The following TEAD1 variants were observed in gnomAD, a reference collection of about 807,000 sequenced individuals.
TEAD1 encodes the protein transcriptional enhancer factor TEF-1.
Under a neutral mutation model 54.9 loss-of-function variants are expected in TEAD1, and 9 were observed. That is an observed-to-expected ratio of 0.16 (90% CI 0.10 to 0.29). The LOEUF is 0.29. Among genes scored for constraint, TEAD1 ranks in the 10% least tolerant of loss-of-function variants. The pLI, the probability that TEAD1 is intolerant of heterozygous loss-of-function variation, is 1.00. For missense variants in TEAD1, 387 were observed against 535.9 expected (o/e 0.72, Z 2.74); for synonymous variants, 200 against 187.8 (o/e 1.07, Z -0.53).
At chr11:12,707,451 A>T (rs1943843678) in intron 2 of TEAD1, among the ~76,000 whole-genome samples, 1 of 152,232 alleles carries the variant, frequency 6.6e-6, no homozygotes, top group South Asian at 2.1e-4. Context: ...TGTGCACCAG[A>T]GCTTAACTAC....
chr11:12,865,696 A>G (rs1007710488), intron 5 of TEAD1, among the ~76,000 whole-genome samples: 2 of 152,120 alleles, frequency 1.3e-5, no homozygotes, highest in Admixed American at 6.5e-5. Flanking sequence ...TTCATATACA[A>G]CTTCTTTCTG....
At position 12,908,883 on chromosome 11, in the gene TEAD1, G is replaced by GTTTTTTTTTTTTTTTTTT. The variant is rs60042137; in HGVS notation, c.873+6783_873+6784insTTTTTTTTTTTTTTTTTT. The stretch of plus-strand genomic sequence containing the variant: ...TATGTCAGTATACTTCAAATTATCT[G>GTTTTTTTTTTTTTTTTTT]TTTTTTTTTTTTTGAGACAGTGTTG... On this transcript the variant is annotated intron_variant, in intron 10 of 12. Coordinates refer to ENST00000527636, the MANE Select transcript of TEAD1 (RefSeq NM_021961.6). Among the ~76,000 whole-genome samples, 53 of 99,664 alleles carry GTTTTTTTTTTTTTTTTTT rather than the reference G, an allele frequency of 5.3e-4. 2 individuals are homozygous for GTTTTTTTTTTTTTTTTTT. The highest frequency in any genetic ancestry group is 1.6e-3 in the African/African-American group (49 of 31,380). The allele number at this position is 99,664 out of a possible 152,430, so 65.4% of individuals were successfully genotyped here.
chr11:12,806,869 T>C (rs1946183122), intron 3 of TEAD1, among the ~76,000 whole-genome samples: 1 of 152,180 alleles, frequency 6.6e-6, no homozygotes, highest in African/African-American at 2.4e-5. Flanking sequence ...CTGTAGGAAT[T>C]GCAGGTTGTG....
intron 2 of TEAD1, among the ~76,000 whole-genome samples, chr11:12,694,851 T>A (rs754845713): frequency 2.0e-5 from 3 of 152,216 alleles, no homozygotes; most frequent in African/African-American, 4.8e-5. Flanking sequence ...GAAGTTCTGA[T>A]AGAAGTCTAA....
Position 12,877,442 on chromosome 11 carries a change from C to T in TEAD1, c.331-2266C>T, listed in dbSNP as rs1047407665. Among the ~76,000 whole-genome samples, 44 of 152,214 alleles carry T rather than the reference C, an allele frequency of 2.9e-4. 1 individual carries two copies. Among genetic ancestry groups the T allele is most frequent in the Non-Finnish European group, 1.0e-4 (7 of 67,994 alleles). On this transcript the variant is annotated intron_variant, in intron 5 of 12. Transcript: ENST00000527636. Reference sequence around the variant, plus strand: ...CCAAGGCGGGTGGATCATCTGAGGTCGGGAGTTCGAGACCAGCCTGGCCAA... The same window carrying T: ...CCAAGGCGGGTGGATCATCTGAGGTTGGGAGTTCGAGACCAGCCTGGCCAA...
At chr11:12,921,595 C>A (rs1435366968) in intron 10 of TEAD1, among the ~76,000 whole-genome samples, 4 of 150,162 alleles carry the variant, frequency 2.7e-5, no homozygotes, top group African/African-American at 9.8e-5. Flanking sequence ...ATAATAATAA[C>A]AGCATTAATC....
chr11:12,842,198 T>C (rs778489042), intron 3 of TEAD1, among the ~76,000 whole-genome samples: 12 of 152,222 alleles, frequency 7.9e-5, no homozygotes, highest in Non-Finnish European at 1.5e-4. Context: ...CTCAGGGGGC[T>C]CTTAGCTCCC....
chr11:12,891,473 C>T (rs918010001), intron 9 of TEAD1, among the ~76,000 whole-genome samples: 2 of 152,040 alleles, frequency 1.3e-5, no homozygotes, highest in Non-Finnish European at 2.9e-5. Context: ...AATTAAAAAG[C>T]CTTGTGGATT....
intron 11 of TEAD1, among the ~76,000 whole-genome samples, chr11:12,926,878 C>T (rs1408345367): frequency 6.6e-6 from 1 of 152,156 alleles, no homozygotes; most frequent in Non-Finnish European, 1.5e-5. Context: ...ACCAGATGAC[C>T]TCCTCGCCTC....
intron 3 of TEAD1, among the ~76,000 whole-genome samples, chr11:12,834,564 A>T (rs768366354): frequency 1.3e-3 from 205 of 152,304 alleles, no homozygotes; most frequent in Non-Finnish European, 1.6e-3. Context: ...GCCTGGTGGT[A>T]TACAGTAGAC....
chr11:12,800,788 C>T (rs1031603857), intron 3 of TEAD1, among the ~76,000 whole-genome samples: 1 of 152,008 alleles, frequency 6.6e-6, no homozygotes, highest in Admixed American at 6.6e-5. Context: ...CCCTTCTCTG[C>T]CCCCAAGCAC....
intron 2 of TEAD1, among the ~76,000 whole-genome samples, chr11:12,718,079 T>C (rs138539647): frequency 1.8e-3 from 280 of 152,310 alleles, no homozygotes; most frequent in Admixed American, 5.1e-3. Context: ...TCTAACCTCA[T>C]GCTCTGAGGG....
At chr11:12,935,620 C>T (rs1327026598) in intron 12 of TEAD1, among the ~76,000 whole-genome samples, 1 of 152,076 alleles carries the variant, frequency 6.6e-6, no homozygotes, top group African/African-American at 2.4e-5. Flanking sequence ...CCACTGTGCC[C>T]AGCTAATTTT....
At chr11:12,746,231 A>G (rs1944743307) in intron 2 of TEAD1, among the ~76,000 whole-genome samples, 1 of 152,170 alleles carries the variant, frequency 6.6e-6, no homozygotes, top group African/African-American at 2.4e-5. Flanking sequence ...GAAGAAGAAA[A>G]AATAATGAAT....
chr11:12,857,719 G>A (rs188910854), intron 3 of TEAD1, among the ~76,000 whole-genome samples: 31 of 151,982 alleles, frequency 2.0e-4, no homozygotes, highest in Middle Eastern at 3.4e-3. Flanking sequence ...GAAATGCTGC[G>A]TCTTAGTAAC....
intron 2 of TEAD1, among the ~76,000 whole-genome samples, chr11:12,750,468 A>G (rs1185573454): frequency 1.3e-5 from 2 of 152,226 alleles, no homozygotes; most frequent in African/African-American, 4.8e-5. Context: ...GCCTTGGACC[A>G]TACTGAAAAT....
intron 10 of TEAD1, among the ~76,000 whole-genome samples, chr11:12,908,560 A>G (rs1428950899): frequency 6.6e-6 from 1 of 152,202 alleles, no homozygotes; most frequent in Non-Finnish European, 1.5e-5. Flanking sequence ...CCATCACATA[A>G]AAGAATACAA....
intron 3 of TEAD1, among the ~76,000 whole-genome samples, chr11:12,848,167 C>A (rs374063805): frequency 3.3e-5 from 5 of 152,190 alleles, no homozygotes; most frequent in African/African-American, 4.8e-5. Flanking sequence ...CATTTCTCTT[C>A]CTAGACCATA....
intron 2 of TEAD1, among the ~76,000 whole-genome samples, chr11:12,738,786 TC>T (rs1321183554): frequency 9.9e-5 from 15 of 152,150 alleles, no homozygotes; most frequent in Admixed American, 3.9e-4. Context: ...TTCCAGCCCC[TC>T]CCTTTTCATC....
Sources: gnomAD v4.1 joint callset for allele counts (sites outside exome capture counted in the v4.1 genomes callset) on GRCh38, gnomAD v4.1.1 for gene constraint, MANE v1.5 for transcripts, NCBI Gene and HGNC (gene_info 2026-07-23, HGNC 2026-07-21) for gene names.